CIP2A: variants seen among roughly 807,000 people sequenced by gnomAD.
CIP2A encodes cellular inhibitor of PP2A.
CIP2A carries 103 observed loss-of-function variants against 110.9 expected under a neutral mutation model. That is an observed-to-expected ratio of 0.93 (90% CI 0.79 to 1.09). CIP2A has a LOEUF of 1.09. Ranked by LOEUF, CIP2A falls within the 50% of genes least tolerant of loss-of-function variation. CIP2A has a pLI of 0.00. For synonymous variants in CIP2A, 381 were observed against 361.6 expected, an observed-to-expected ratio of 1.05 and a Z score of -0.61; for missense variants, 1,088 against 1,038.4, an observed-to-expected ratio of 1.05 and a Z score of -0.66.
Position 108,566,517 on chromosome 3 carries a change from C to T in CIP2A, c.1395G>A (p.Lys465=), listed in dbSNP as rs1402215096. The T allele has an allele frequency of 1.4e-5, 22 of 1,607,924 alleles. No individual in the cohort carries two copies. The highest frequency in any genetic ancestry group is 1.8e-5 in the Non-Finnish European group (21 of 1,176,976). Residue 465 remains lysine, a synonymous_variant, in exon 11 of 21, where the codon AAG becomes AAA. Coordinates refer to ENST00000295746, the MANE Select transcript of CIP2A (RefSeq NM_020890.3). ...CTCACCATAATTCAGAATCTGCAAC[C>T]TTTGTTCCAAATCCCAGGTCAATCT... The part of the protein sequence containing the change: ...YGKIDLGFGT[K]VADSELCKLA...
intron 17 of CIP2A, among the ~76,000 whole-genome samples, chr3:108,554,705 T>C (rs1346329100): frequency 1.3e-5 from 2 of 152,128 alleles, no homozygotes; most frequent in African/African-American, 4.8e-5. Context: ...AAAATTACTA[T>C]GAAATAGAAA....
intron 1 of CIP2A, among the ~76,000 whole-genome samples, chr3:108,587,601 T>C (rs1206042529): frequency 6.6e-6 from 1 of 152,232 alleles, no homozygotes; most frequent in Non-Finnish European, 1.5e-5. Context: ...TCACTTAAGA[T>C]TAATGCACTT....
At chr3:108,558,524 A>G (rs1056432857) in intron 16 of CIP2A, among the ~76,000 whole-genome samples, 14 of 152,158 alleles carry the variant, frequency 9.2e-5, no homozygotes, top group Non-Finnish European at 1.5e-4. Flanking sequence ...GCCAAGTGCT[A>G]TGCTAGGGCC....
intron 12 of CIP2A, 51 bp from the exon 13 acceptor site, chr3:108,563,295 C>G (rs761813612): frequency 1.8e-6 from 2 of 1,092,592 alleles, no homozygotes; most frequent in Non-Finnish European, 2.8e-6. Flanking sequence ...TAAACAATGT[C>G]AGCTCTTTTA....
chr3:108,563,683 A>C (rs1003974739), intron 12 of CIP2A, among the ~76,000 whole-genome samples: 3 of 152,108 alleles, frequency 2.0e-5, no homozygotes, highest in African/African-American at 4.8e-5. Context: ...AAGATCGAAA[A>C]AATACAGTTA....
chr3:108,559,388 T>C (rs1002259918), intron 16 of CIP2A, among the ~76,000 whole-genome samples: 1 of 152,284 alleles, frequency 6.6e-6, no homozygotes, highest in Admixed American at 6.5e-5. Context: ...TGGAGCAACA[T>C]AGGCACATAG....
chr3:108,583,195 C>G, intron 2 of CIP2A, 112 bp from the exon 3 acceptor site: 1 of 484,238 alleles, frequency 2.1e-6, no homozygotes, highest in Non-Finnish European at 3.5e-6. Flanking sequence ...TATGATATGG[C>G]TATTTTCTTA....
At chr3:108,576,656 T>A (rs1441056666) in intron 7 of CIP2A, among the ~76,000 whole-genome samples, 1 of 152,206 alleles carries the variant, frequency 6.6e-6, no homozygotes, top group African/African-American at 2.4e-5. Flanking sequence ...TGCTCTATTT[T>A]TTTAAGATTG....
chr3:108,579,749 A>C, intron 5 of CIP2A, 61 bp from the exon 6 acceptor site: 1 of 1,165,848 alleles, frequency 8.6e-7, no homozygotes, highest in Non-Finnish European at 1.2e-6. Flanking sequence ...TGGTTTAAAA[A>C]GTATATCTTG....
intron 8 of CIP2A, among the ~76,000 whole-genome samples, chr3:108,575,848 A>G (rs1163512224): frequency 8.0e-6 from 1 of 125,036 alleles, no homozygotes; most frequent in Non-Finnish European, 1.8e-5. Context: ...ATATACTCAT[A>G]TACATGTGTA....
intron 5 of CIP2A, 126 bp from the exon 6 acceptor site, chr3:108,579,814 T>C (rs576599052): frequency 4.4e-6 from 2 of 457,946 alleles, no homozygotes; most frequent in Admixed American, 4.3e-5. Flanking sequence ...TAAATGATTG[T>C]TGCATTTAAA....
At chr3:108,573,649 ACTTT>A (rs1352216085) in intron 8 of CIP2A, among the ~76,000 whole-genome samples, 3 of 151,998 alleles carry the variant, frequency 2.0e-5, no homozygotes, top group Non-Finnish European at 4.4e-5. Flanking sequence ...ATTCCTAGTC[ACTTT>A]CTTAAGATCC....
At chr3:108,576,519 C>T (rs1938658730) in intron 7 of CIP2A, among the ~76,000 whole-genome samples, 173 bp from the exon 8 acceptor site, 1 of 152,118 alleles carries the variant, frequency 6.6e-6, no homozygotes, top group Non-Finnish European at 1.5e-5. Context: ...ATATGTCTTA[C>T]AATTATGATA....
At chr3:108,586,358 T>C (rs754012383) in intron 1 of CIP2A, among the ~76,000 whole-genome samples, 50 of 152,182 alleles carry the variant, frequency 3.3e-4, no homozygotes, top group Non-Finnish European at 6.8e-4. Context: ...CATTACCCTG[T>C]TGCTTATTTA....
chr3:108,559,691 TA>T, intron 16 of CIP2A, 65 bp downstream of exon 16: 1 of 833,686 alleles, frequency 1.2e-6, no homozygotes, highest in Non-Finnish European at 1.8e-6. Flanking sequence ...AATACATAAC[TA>T]ATATTTTGCA....
intron 19 of CIP2A, 151 bp downstream of exon 19, chr3:108,553,497 T>C: frequency 1.5e-6 from 1 of 679,514 alleles, no homozygotes; most frequent in Non-Finnish European, 2.3e-6. Flanking sequence ...ACTGCTTTTG[T>C]GAAACATTAT....
intron 10 of CIP2A, among the ~76,000 whole-genome samples, chr3:108,567,264 T>A (rs1295968542): frequency 6.6e-6 from 1 of 151,718 alleles, no homozygotes; most frequent in African/African-American, 2.4e-5. Context: ...TTTTACATGT[T>A]CTCCAGGTGA....
At position 108,560,740 on chromosome 3, in the gene CIP2A, G is replaced by T; in HGVS notation, c.1736C>A (p.Thr579Lys). ...ATGAGGAGTTAAACACTTTATTGAT[G>T]TTGGAAAACTGTGATTTGATGATTG... The part of the protein sequence containing the change: ...PWQSSNHSFP[T>K]SIKCLTPHLK... Residue 579 changes from threonine to lysine, a missense_variant, in exon 14 of 21, where the codon ACA (threonine) becomes AAA (lysine). Thr to Lys is a moderately conservative substitution (Grantham distance 78, BLOSUM62 -1). Transcript: ENST00000295746. 1 of 1,612,070 alleles carries T rather than the reference G, an allele frequency of 6.2e-7. No individual in the cohort carries two copies. Among genetic ancestry groups the T allele is most frequent in the Non-Finnish European group, 8.5e-7 (1 of 1,178,404 alleles).
intron 20 of CIP2A, among the ~76,000 whole-genome samples, chr3:108,551,555 C>A (rs1043735132): frequency 6.6e-6 from 1 of 151,904 alleles, no homozygotes; most frequent in Admixed American, 6.6e-5. Flanking sequence ...AAGTTAATGC[C>A]AGCAGCTGAA....
Sources: allele counts gnomAD v4.1 joint callset (sites outside exome capture counted in the v4.1 genomes callset), GRCh38; gene constraint gnomAD v4.1.1; transcripts MANE v1.5; gene names NCBI Gene and HGNC (gene_info 2026-07-23, HGNC 2026-07-21).